Variants in STK32A observed in about 807,000 individuals in gnomAD.
STK32A encodes serine/threonine-protein kinase 32A.
A neutral mutation model predicts 53.2 loss-of-function variants in STK32A; 41 were observed. The ratio of observed to expected loss-of-function variants is 0.77; its 90% CI spans 0.60 to 1.00. STK32A has a LOEUF of 1.00. Ranked by LOEUF, STK32A falls within the 50% of genes least tolerant of loss-of-function variation. The pLI is 0.00. For missense variants in STK32A, 458 were observed against 485.8 expected (o/e 0.94, Z 0.54); for synonymous variants, 166 against 162.8 (o/e 1.02, Z -0.15).
In STK32A at chr5:147,384,564, A is replaced by T; in HGVS notation, c.*581A>T. ...CCAGTGATATGCGTGAATCAGCATT[A>T]GATCCGCTTATCTCAGCTGGCAGGA... On this transcript the variant is annotated 3_prime_UTR_variant, in exon 13 of 13. Coordinates refer to ENST00000397936, the MANE Select transcript of STK32A (RefSeq NM_001112724.2). 1.4e-6 allele frequency: 1 copy of T among 713,378 alleles called. No homozygotes were observed. Among genetic ancestry groups the T allele is most frequent in the Non-Finnish European group, 2.2e-6 (1 of 445,402 alleles). 44.2% of individuals were successfully genotyped at this position (713,378 alleles called of 1,614,324 possible).
intron 8 of STK32A, among the ~76,000 whole-genome samples, chr5:147,370,072 T>C (rs1479401475): frequency 1.3e-5 from 2 of 152,062 alleles, no homozygotes; most frequent in African/African-American, 4.8e-5. Context: ...TCCCCCAAAA[T>C]TTTTTTTAAA....
At position 147,268,919 on chromosome 5, in the gene STK32A, G is replaced by T. The variant is rs1754918737; in HGVS notation, c.53-9205G>T. Among the ~76,000 whole-genome samples, 6 of 152,288 alleles carry T rather than the reference G, an allele frequency of 3.9e-5. No individual in the cohort carries two copies. The South Asian group carries it at 1.2e-3, about 32-fold the overall frequency. ...AAATATGAACATTGTTGTGAGTCAG[G>T]TCTTTACCCAACTCTGTGCTGCTTA... On this transcript the variant is annotated intron_variant, in intron 2 of 12. Transcript: ENST00000397936.
intron 8 of STK32A, among the ~76,000 whole-genome samples, chr5:147,363,222 C>T (rs1047479146): frequency 3.9e-5 from 6 of 152,140 alleles, no homozygotes; most frequent in African/African-American, 1.2e-4. Context: ...AAGGAAGGGG[C>T]ATCAGCTCCT....
At chr5:147,364,863 G>T (rs1756675878) in intron 8 of STK32A, among the ~76,000 whole-genome samples, 1 of 152,070 alleles carries the variant, frequency 6.6e-6, no homozygotes. Context: ...AGAAATTTTG[G>T]GGGGATACAT....
Position 147,279,144 on chromosome 5 carries a change from G to C in STK32A, c.109-103G>C, listed in dbSNP as rs548797374. 4.2e-5 allele frequency: 48 copies of C among 1,129,926 alleles called. No homozygotes were observed. The African/African-American group carries it at 7.1e-4, about 17-fold the overall frequency. The allele number at this position is 1,129,926 out of a possible 1,614,324, so 70.0% of individuals were successfully genotyped here. ...TTTTAACATCATATAATTTGCAAAT[G>C]TTAAGGATCCAAGCCACAGCAAAGA... is the stretch of plus-strand genomic sequence containing the variant. On this transcript the variant is annotated intron_variant, in intron 3 of 12. Transcript: ENST00000397936.
At chr5:147,340,488 A>G (rs1755352304) in intron 5 of STK32A, among the ~76,000 whole-genome samples, 5 of 152,244 alleles carry the variant, frequency 3.3e-5, no homozygotes. Flanking sequence ...GCTAAAATTT[A>G]GAACTAGAAA....
chr5:147,348,798 A>C, intron 6 of STK32A: 2 of 726,522 alleles, frequency 2.8e-6, no homozygotes, highest in Admixed American at 3.9e-5. Flanking sequence ...ATAATGACGG[A>C]TATCAACAAT....
chr5:147,339,989 G>A (rs1404623150), intron 5 of STK32A, among the ~76,000 whole-genome samples: 1 of 152,232 alleles, frequency 6.6e-6, no homozygotes, highest in Admixed American at 6.5e-5. Context: ...AGACTTTGGG[G>A]AATTCCCAGA....
intron 1 of STK32A, among the ~76,000 whole-genome samples, chr5:147,239,297 C>T (rs1246412005): frequency 6.6e-6 from 1 of 152,138 alleles, no homozygotes; most frequent in East Asian, 1.9e-4. Context: ...TTAAACTTTT[C>T]TACATACTTT....
At chr5:147,368,430 A>T (rs1756863602) in intron 8 of STK32A, among the ~76,000 whole-genome samples, 1 of 151,974 alleles carries the variant, frequency 6.6e-6, no homozygotes, top group African/African-American at 2.4e-5. Context: ...TCTCTATAGC[A>T]TGTATCCCAT....
intron 4 of STK32A, among the ~76,000 whole-genome samples, chr5:147,296,248 G>A (rs1752859274): frequency 1.3e-5 from 2 of 152,184 alleles, no homozygotes; most frequent in Non-Finnish European, 2.9e-5. Context: ...TAGAGCAAAA[G>A]GGAAAGTTTA....
At chr5:147,381,240 C>T (rs1757440101) in intron 11 of STK32A, among the ~76,000 whole-genome samples, 1 of 152,124 alleles carries the variant, frequency 6.6e-6, no homozygotes, top group African/African-American at 2.4e-5. Context: ...TGCCTTCTGG[C>T]CTCCAAAGTT....
At chr5:147,368,793 A>G (rs1327437601) in intron 8 of STK32A, among the ~76,000 whole-genome samples, 1 of 152,168 alleles carries the variant, frequency 6.6e-6, no homozygotes, top group African/African-American at 2.4e-5. Context: ...TAACTAGAGA[A>G]AAATGTACAC....
intron 1 of STK32A, among the ~76,000 whole-genome samples, chr5:147,237,252 G>A (rs886785364): frequency 6.6e-6 from 1 of 152,046 alleles, no homozygotes; most frequent in African/African-American, 2.4e-5. Context: ...GGCAGAGCTT[G>A]CAGTGAGCCG....
chr5:147,260,415 C>G (rs567565032), intron 2 of STK32A, among the ~76,000 whole-genome samples: 6 of 152,014 alleles, frequency 3.9e-5, no homozygotes, highest in African/African-American at 9.6e-5. Flanking sequence ...TTCCTCTTTC[C>G]CTAAGGGAGC....
In STK32A at chr5:147,241,404, G is replaced by A. The variant is rs549389421; in HGVS notation, c.52+1718G>A. ...TGAGGCAGGAGAATGGCGGGAACCC[G>A]GGAGGCGGAGCTTGCAGTGAGCCGA... On this transcript the variant is annotated intron_variant, in intron 2 of 12. Transcript: ENST00000397936. 4.5e-3 allele frequency among the ~76,000 whole-genome samples: 679 copies of A among 152,228 alleles called. 5 individuals are homozygous for A. Among genetic ancestry groups the A allele is most frequent in the Admixed American group, 8.6e-3 (131 of 15,300 alleles).
At chr5:147,337,360 C>G (rs1283947712) in intron 5 of STK32A, among the ~76,000 whole-genome samples, 1 of 152,168 alleles carries the variant, frequency 6.6e-6, no homozygotes, top group Non-Finnish European at 1.5e-5. Flanking sequence ...ATTTATTACT[C>G]TTACTCTAAT....
intron 2 of STK32A, among the ~76,000 whole-genome samples, chr5:147,268,055 A>G (rs953142126): frequency 2.0e-4 from 30 of 152,304 alleles, no homozygotes; most frequent in African/African-American, 6.7e-4. Flanking sequence ...GATAAGGCCA[A>G]TGAATCTGAA....
chr5:147,350,946 T>G, intron 6 of STK32A, 119 bp from the exon 7 acceptor site: 1 of 755,400 alleles, frequency 1.3e-6, no homozygotes, highest in East Asian at 2.7e-5. Context: ...GCCTTGAGGA[T>G]GGACTGCAAC....
Sources: allele counts gnomAD v4.1 joint callset (sites outside exome capture counted in the v4.1 genomes callset), GRCh38; gene constraint gnomAD v4.1.1; transcripts MANE v1.5; gene names NCBI Gene and HGNC (gene_info 2026-07-23, HGNC 2026-07-21).